SGCZ: variants seen among roughly 807,000 people sequenced by gnomAD.
The protein encoded by SGCZ is zeta-sarcoglycan.
A neutral mutation model predicts 41.3 loss-of-function variants in SGCZ; 40 were observed. That is an observed-to-expected ratio of 0.97 (90% confidence interval 0.75 to 1.26). SGCZ has a LOEUF of 1.26. Ranked by LOEUF, SGCZ falls within the 50% of genes most tolerant of loss-of-function variation. SGCZ has a pLI of 0.00. For synonymous variants in SGCZ, 206 were observed against 137.5 expected, an observed-to-expected ratio of 1.50 and a Z score of -3.49; for missense variants, 552 against 369.8, an observed-to-expected ratio of 1.49 and a Z score of -4.04.
chr8:15,106,776 G>A (rs1276289521), intron 1 of SGCZ, among the ~76,000 whole-genome samples: 1 of 151,954 alleles, frequency 6.6e-6, no homozygotes, highest in Non-Finnish European at 1.5e-5. Context: ...AATTTTAAAT[G>A]TGGTGGTGAT....
chr8:14,442,128 A>G lies in SGCZ; in HGVS notation c.234+112604T>C, dbSNP rs562288846. Among the ~76,000 whole-genome samples, 27 of 152,314 alleles carry G rather than the reference A, an allele frequency of 1.8e-4. 1 individual carries two copies. In the East Asian group the frequency reaches 4.4e-3, roughly 25 times the overall value. ...CCTGAGATCACTGAAACTTCATAAT[A>G]AAACTCTTCCCCCTTGATATGGTTT... On this transcript the variant is annotated intron_variant, in intron 2 of 7. Coordinates refer to ENST00000382080, the MANE Select transcript of SGCZ (RefSeq NM_139167.4).
At chr8:15,149,105 A>G (rs905033977) in intron 1 of SGCZ, among the ~76,000 whole-genome samples, 11 of 152,294 alleles carry the variant, frequency 7.2e-5, no homozygotes, top group African/African-American at 2.4e-4. Flanking sequence ...TGAAGATGCA[A>G]TCACCGGTGG....
intron 3 of SGCZ, among the ~76,000 whole-genome samples, chr8:14,245,861 G>T (rs1799068154): frequency 6.6e-6 from 1 of 152,030 alleles, no homozygotes; most frequent in Admixed American, 6.6e-5. Context: ...CATCATCACT[G>T]GCCATCAGAG....
chr8:14,829,329 C>T (rs533663261), intron 1 of SGCZ, among the ~76,000 whole-genome samples: 5 of 141,238 alleles, frequency 3.5e-5, no homozygotes, highest in African/African-American at 5.9e-5. Context: ...TTCCCAGAAA[C>T]GTCAATTCTT....
chr8:14,303,384 T>C (rs1801255740), intron 3 of SGCZ, among the ~76,000 whole-genome samples: 2 of 152,192 alleles, frequency 1.3e-5, no homozygotes, highest in East Asian at 1.9e-4. Flanking sequence ...AAATTAAATA[T>C]CAAGATAATA....
chr8:14,994,497 T>C (rs891774705), intron 1 of SGCZ, among the ~76,000 whole-genome samples: 1 of 151,910 alleles, frequency 6.6e-6, no homozygotes, highest in African/African-American at 2.4e-5. Context: ...GGCAGGAGAA[T>C]TGCTTGAACC....
chr8:14,299,244 A>C (rs1801112289), intron 3 of SGCZ, among the ~76,000 whole-genome samples: 1 of 151,982 alleles, frequency 6.6e-6, no homozygotes. Context: ...GGTAGAAAAT[A>C]TTTACAAATT....
At chr8:14,833,743 T>C (rs1446311508) in intron 1 of SGCZ, among the ~76,000 whole-genome samples, 1 of 151,720 alleles carries the variant, frequency 6.6e-6, no homozygotes, top group Non-Finnish European at 1.5e-5. Flanking sequence ...TTGGAGCAAG[T>C]GGAGGAAACT....
intron 3 of SGCZ, among the ~76,000 whole-genome samples, chr8:14,243,692 G>A (rs919242380): frequency 2.0e-5 from 3 of 151,946 alleles, no homozygotes; most frequent in Non-Finnish European, 4.4e-5. Context: ...AGTTTCCCAG[G>A]CCTGAAATTC....
At chr8:14,896,654 T>G (rs1585358633) in intron 1 of SGCZ, among the ~76,000 whole-genome samples, 1 of 151,622 alleles carries the variant, frequency 6.6e-6, no homozygotes, top group Admixed American at 6.6e-5. Flanking sequence ...TTTCCGTATT[T>G]TCAGGAGAGA....
chr8:14,238,801 T>A (rs4831563), intron 3 of SGCZ, among the ~76,000 whole-genome samples: 102,700 of 151,874 alleles, frequency 0.68, 35,023 homozygotes, highest in South Asian at 0.79. Context: ...CTCTTGGTGC[T>A]TGCATTGTGG....
intron 1 of SGCZ, among the ~76,000 whole-genome samples, chr8:15,104,776 C>T (rs917791068): frequency 1.3e-5 from 2 of 152,168 alleles, no homozygotes; most frequent in African/African-American, 4.8e-5. Context: ...ATGGAACACT[C>T]CATATTATGG....
At chr8:14,456,566 G>A (rs911423664) in intron 2 of SGCZ, among the ~76,000 whole-genome samples, 5 of 152,036 alleles carry the variant, frequency 3.3e-5, no homozygotes, top group African/African-American at 9.7e-5. Flanking sequence ...AACACAAGGA[G>A]GACAAATCAG....
chr8:14,847,174 GAAGAAGAA>G (rs1803157679), intron 1 of SGCZ, among the ~76,000 whole-genome samples: 2 of 143,666 alleles, frequency 1.4e-5, no homozygotes, highest in African/African-American at 5.4e-5. Context: ...AGAAGAAGAA[GAAGAAGAA>G]GAAGAGAAAA....
chr8:14,141,135 C>G (rs1019750565), intron 5 of SGCZ, among the ~76,000 whole-genome samples: 12 of 152,196 alleles, frequency 7.9e-5, no homozygotes, highest in Admixed American at 2.6e-4. Flanking sequence ...AAAGCTGAAA[C>G]TGGATTCCTT....
At chr8:14,711,698 T>G (rs966059158) in intron 1 of SGCZ, among the ~76,000 whole-genome samples, 1 of 151,892 alleles carries the variant, frequency 6.6e-6, no homozygotes, top group African/African-American at 2.4e-5. Context: ...ATATTTACCA[T>G]GTAGCATTAG....
chr8:14,999,775 C>A (rs909983975), intron 1 of SGCZ, among the ~76,000 whole-genome samples: 5 of 152,182 alleles, frequency 3.3e-5, no homozygotes, highest in Admixed American at 2.0e-4. Flanking sequence ...AGGCCAACTC[C>A]CATGCACCAT....
chr8:14,930,346 G>C (rs1289244452), intron 1 of SGCZ, among the ~76,000 whole-genome samples: 1 of 152,016 alleles, frequency 6.6e-6, no homozygotes, highest in Admixed American at 6.6e-5. Flanking sequence ...ACAGATGCTC[G>C]AGAGGATGTG....
intron 1 of SGCZ, among the ~76,000 whole-genome samples, chr8:14,661,703 G>C (rs539840287): frequency 3.3e-4 from 50 of 152,108 alleles, no homozygotes; most frequent in South Asian, 2.1e-4. Flanking sequence ...AGTCTCTCTT[G>C]GGTTCTTGGA....
Sources: allele counts gnomAD v4.1 joint callset (sites outside exome capture counted in the v4.1 genomes callset), GRCh38; gene constraint gnomAD v4.1.1; transcripts MANE v1.5; gene names NCBI Gene and HGNC (gene_info 2026-07-23, HGNC 2026-07-21).